BNIP2: variants seen among roughly 807,000 people sequenced by gnomAD.
BNIP2 encodes BCL2 interacting protein 2.
Under a neutral mutation model 43.4 loss-of-function variants are expected in BNIP2, and 36 were observed. The ratio of observed to expected loss-of-function variants is 0.83; its 90% CI spans 0.64 to 1.10. The LOEUF (loss-of-function observed/expected upper bound fraction) is 1.10, where lower values mean the gene tolerates loss of function less well. BNIP2 is among the 50% of genes least tolerant of loss of function. BNIP2 has a pLI of 0.00. For missense variants in BNIP2, 417 were observed against 374.1 expected, an observed-to-expected ratio of 1.11 and a Z score of -0.95; for synonymous variants, 146 against 121.0, an observed-to-expected ratio of 1.21 and a Z score of -1.35.
At chr15:59,675,690 A>C in intron 5 of BNIP2, among the ~76,000 whole-genome samples, 1 of 152,234 alleles carries the variant, frequency 6.6e-6, no homozygotes, top group Non-Finnish European at 1.5e-5. Flanking sequence ...AGTTTTGTTT[A>C]TAACAGCCCA....
At chr15:59,667,928 C>G (rs973243978) in intron 9 of BNIP2, among the ~76,000 whole-genome samples, 13 of 152,092 alleles carry the variant, frequency 8.5e-5, no homozygotes, top group African/African-American at 3.1e-4. Flanking sequence ...ATGGTGAATC[C>G]AAGTCATATT....
At chr15:59,673,803 T>C (rs1252633731) in intron 5 of BNIP2, among the ~76,000 whole-genome samples, 5 of 152,034 alleles carry the variant, frequency 3.3e-5, no homozygotes, top group Admixed American at 1.3e-4. Context: ...TAAAACTAAA[T>C]TAGGCCGGGC....
chr15:59,680,265 T>A lies in BNIP2; in HGVS notation c.94A>T (p.Ile32Leu). The A allele has an allele frequency of 6.2e-7, 1 of 1,602,912 alleles. No homozygotes were observed. The highest frequency in any genetic ancestry group is 1.1e-5 in the South Asian group (1 of 89,296). ...CCAGGCTGGTCCTCTGGTCCAGTTA[T>A]AGCTAGTATATCTGCTTCAATACTA... ...DDSIEADILAITGPEDQPGSL... is the reference protein window; with the variant it reads ...DDSIEADILALTGPEDQPGSL... The change falls in exon 3 of 10, where the codon ATA becomes TTA. Residue 32 changes from isoleucine to leucine, a missense_variant. Coordinates refer to ENST00000607373, the MANE Select transcript of BNIP2 (RefSeq NM_004330.4).
At chr15:59,668,056 T>G in intron 9 of BNIP2, 1 of 1,218,036 alleles carries the variant, frequency 8.2e-7, no homozygotes. Flanking sequence ...TAGTCTGCAA[T>G]GCAAATGGAC....
At chr15:59,681,565 C>T (rs1304500314) in intron 2 of BNIP2, among the ~76,000 whole-genome samples, 1 of 151,938 alleles carries the variant, frequency 6.6e-6, no homozygotes, top group Non-Finnish European at 1.5e-5. Context: ...TCTTGTGCCT[C>T]TGCCTCCTAA....
intron 1 of BNIP2, among the ~76,000 whole-genome samples, chr15:59,685,945 T>C (rs1893986816): frequency 6.6e-6 from 1 of 152,206 alleles, no homozygotes; most frequent in South Asian, 2.1e-4. Flanking sequence ...TTCTTGTTCA[T>C]GTATTTTTTT....
rs530535724 is a variant in BNIP2 at position 59,680,294 on chromosome 15, T to C, written c.65A>G (p.Asp22Gly). 1.2e-6 allele frequency: 2 copies of C among 1,602,316 alleles called. No homozygotes were observed. The highest frequency in any genetic ancestry group is 1.7e-5 in the Admixed American group (1 of 59,088). ...TAGTATATCTGCTTCAATACTATCA[T>C]CTTCTGGTAAAGGTCTAGAAGACAC... Reference protein sequence around the residue: ...DEDFPIPLPEDDSIEADILAI... With the variant: ...DEDFPIPLPEGDSIEADILAI... Residue 22 changes from aspartate (D) to glycine (G), a missense_variant, in exon 3 of 10, where the codon GAT (aspartate) becomes GGT (glycine). By Grantham distance (94) the Asp-to-Gly change is moderately conservative (BLOSUM62 -1). Coordinates refer to ENST00000607373, the MANE Select transcript of BNIP2 (RefSeq NM_004330.4).
chr15:59,664,467 C>T lies in BNIP2; in HGVS notation c.894-347G>A, dbSNP rs373906246. Among the ~76,000 whole-genome samples the T allele has an allele frequency of 4.9e-4, 74 of 152,218 alleles. 1 individual carries two copies. In the South Asian group the frequency reaches 0.015, roughly 31 times the overall value. On this transcript the variant is annotated intron_variant, in intron 9 of 9. Coordinates refer to ENST00000607373, the MANE Select transcript of BNIP2 (RefSeq NM_004330.4). ...CACAATCTCAGCTCGCTGCAATCTC[C>T]GCCTCCTGGGTTCACACCATTGTCC...
chr15:59,661,681 A>G lies in BNIP2; in HGVS notation c.*2388T>C, dbSNP rs1193701895. 6.6e-6 allele frequency: 1 copy of G among 152,236 alleles called. No homozygotes were observed. The highest frequency in any genetic ancestry group is 2.4e-5 in the African/African-American group (1 of 41,466). The allele number at this position is 152,236 out of a possible 1,614,324, so 9.4% of individuals were successfully genotyped here. On this transcript the variant is annotated 3_prime_UTR_variant, in exon 10 of 10. Transcript: ENST00000607373. ...AAATTAAGCCAGTTAAATTAGATCC[A>G]TGATCCCAACAGAAAGATAAAAGTA...
rs1444955793 is a variant in BNIP2 at position 59,688,797 on chromosome 15, G to A, written c.-58+338C>T. 5.2e-6 allele frequency: 8 copies of A among 1,529,764 alleles called. No homozygotes were observed. The East Asian group carries it at 7.4e-5, about 14-fold the overall frequency. 94.8% of individuals were successfully genotyped at this position (1,529,764 alleles called of 1,614,324 possible). On this transcript the variant is annotated intron_variant, in intron 1 of 9. Transcript: ENST00000607373. ...TGGTCATAAATACTGAACCATCGTA[G>A]CCCAGCCACTTCACCCACACCAGGG... is the stretch of plus-strand genomic sequence containing the variant.
chr15:59,679,982 G>T (rs1893558271), intron 3 of BNIP2, among the ~76,000 whole-genome samples: 1 of 152,032 alleles, frequency 6.6e-6, no homozygotes, highest in Non-Finnish European at 1.5e-5. Context: ...TTTAAATAGA[G>T]GCAGACCTTA....
At chr15:59,675,277 T>A (rs1398695473) in intron 5 of BNIP2, among the ~76,000 whole-genome samples, 1 of 147,148 alleles carries the variant, frequency 6.8e-6, no homozygotes, top group Non-Finnish European at 1.5e-5. Context: ...AAAAAATTTG[T>A]TCACGGTTTT....
chr15:59,688,902 G>T, intron 1 of BNIP2: 2 of 1,469,888 alleles, frequency 1.4e-6, no homozygotes, highest in Non-Finnish European at 1.8e-6. Flanking sequence ...ACGGGGTGGG[G>T]GGCCAAACTG....
rs1228443077 is a variant in BNIP2, at chr15:59,682,433, CTTCT to C, written c.21_24del (p.Glu8AsnfsTer22). On this transcript the variant is annotated frameshift_variant, in exon 2 of 10. Coordinates refer to ENST00000607373, the MANE Select transcript of BNIP2 (RefSeq NM_004330.4). LOFTEE classifies it high-confidence loss of function. ...ATCGGAAAATCTTCATCTTGCCATTCTTCTTTAAGTTCCACACCTTCCATCCTCA... is the reference window on the plus strand; with the variant it reads ...ATCGGAAAATCTTCATCTTGCCATTCTTAAGTTCCACACCTTCCATCCTCA... 1.5e-5 allele frequency: 24 copies of C among 1,612,904 alleles called. No homozygotes were observed. The highest frequency in any genetic ancestry group is 2.7e-5 in the African/African-American group (2 of 74,862).
intron 4 of BNIP2, 63 bp from the exon 5 acceptor site, chr15:59,678,150 A>G (rs1164980519): frequency 6.6e-7 from 1 of 1,508,524 alleles, no homozygotes; most frequent in East Asian, 2.4e-5. Flanking sequence ...ATTATACGTT[A>G]ACCACTTTAC....
chr15:59,680,773 A>G (rs978791067), intron 2 of BNIP2, among the ~76,000 whole-genome samples: 3 of 152,082 alleles, frequency 2.0e-5, no homozygotes, highest in Admixed American at 1.3e-4. Flanking sequence ...ATGCCCAGCT[A>G]ATTTTAAAAG....
chr15:59,676,938 A>G (rs1595699472), intron 5 of BNIP2: 1 of 1,611,816 alleles, frequency 6.2e-7, no homozygotes, highest in East Asian at 2.2e-5. Flanking sequence ...CTCTGCGAGA[A>G]CAGCATGATC....
intron 5 of BNIP2, among the ~76,000 whole-genome samples, chr15:59,675,373 G>C (rs1160440232): frequency 6.6e-6 from 1 of 152,130 alleles, no homozygotes; most frequent in African/African-American, 2.4e-5. Context: ...CACTTCAGGA[G>C]GCTGGGGTGA....
chr15:59,678,959 A>G (rs1203166657), intron 4 of BNIP2: 57 of 885,346 alleles, frequency 6.4e-5, no homozygotes, highest in Non-Finnish European at 8.2e-5. Context: ...GAAAAAAGAA[A>G]CCAAAAATAT....
Sources: gnomAD v4.1 joint callset for allele counts (sites outside exome capture counted in the v4.1 genomes callset) on GRCh38, gnomAD v4.1.1 for gene constraint, MANE v1.5 for transcripts, NCBI Gene and HGNC (gene_info 2026-07-23, HGNC 2026-07-21) for gene names.